CACNA2D2: variants seen among roughly 807,000 people sequenced by gnomAD.
CACNA2D2 encodes calcium voltage-gated channel auxiliary subunit alpha2delta 2.
Under a neutral mutation model 166.4 loss-of-function variants are expected in CACNA2D2, and 48 were observed. That is an observed-to-expected ratio of 0.29 (90% CI 0.23 to 0.37). CACNA2D2 has a LOEUF of 0.37. Ranked by LOEUF, CACNA2D2 falls within the 10% of genes least tolerant of loss-of-function variation. The pLI is 1.00. For missense variants in CACNA2D2, 1,122 were observed against 1,433.0 expected (o/e 0.78, Z 3.50); for synonymous variants, 561 against 573.7 (o/e 0.98, Z 0.32).
intron 2 of CACNA2D2, among the ~76,000 whole-genome samples, chr3:50,464,738 T>C (rs1053783844): frequency 5.3e-5 from 8 of 152,180 alleles, no homozygotes; most frequent in African/African-American, 1.9e-4. Flanking sequence ...CCTCTACCAC[T>C]TAGCAACGGA....
At chr3:50,387,489 C>T (rs2106701749) in intron 5 of CACNA2D2, 79 bp downstream of exon 5, 7 of 1,181,800 alleles carry the variant, frequency 5.9e-6, no homozygotes, top group South Asian at 1.2e-5. Context: ...GAATGTGTGG[C>T]GCTGAGTCCT....
At chr3:50,491,012 A>T (rs1698498041) in intron 1 of CACNA2D2, among the ~76,000 whole-genome samples, 1 of 151,978 alleles carries the variant, frequency 6.6e-6, no homozygotes, top group African/African-American at 2.4e-5. Context: ...AGCCCATCCA[A>T]CCTCTCCCCA....
Position 50,364,982 on chromosome 3 carries a change from T to A in CACNA2D2, c.3209-12A>T. 1 of 1,588,700 alleles carries A rather than the reference T, an allele frequency of 6.3e-7. No individual in the cohort carries two copies. The highest frequency in any genetic ancestry group is 8.6e-7 in the Non-Finnish European group (1 of 1,168,124). ...CTCCGGGCCGTCCGCTGGGCATGGG[T>A]GGGGAGTCAAGGAGGCGGACGGCGG... On this transcript the variant is annotated splice_polypyrimidine_tract_variant and intron_variant, in intron 36 of 37. Transcript: ENST00000424201.
intron 2 of CACNA2D2, among the ~76,000 whole-genome samples, chr3:50,434,764 C>T (rs966610413): frequency 6.6e-6 from 1 of 152,248 alleles, no homozygotes; most frequent in African/African-American, 2.4e-5. Flanking sequence ...CTCAAGGTAA[C>T]TGTGAATAGC....
intron 3 of CACNA2D2, among the ~76,000 whole-genome samples, chr3:50,418,085 T>C (rs1015902394): frequency 1.3e-5 from 2 of 152,150 alleles, no homozygotes; most frequent in Non-Finnish European, 2.9e-5. Flanking sequence ...AGGACTGTAC[T>C]TGTGCTCCTA....
intron 2 of CACNA2D2, among the ~76,000 whole-genome samples, chr3:50,460,837 G>A (rs531703528): frequency 1.3e-5 from 2 of 150,694 alleles, no homozygotes; most frequent in Admixed American, 1.3e-4. Context: ...CTGGGTGACA[G>A]AGCAAGACTC....
At chr3:50,488,377 T>C (rs1698378577) in intron 1 of CACNA2D2, among the ~76,000 whole-genome samples, 1 of 152,120 alleles carries the variant, frequency 6.6e-6, no homozygotes, top group Non-Finnish European at 1.5e-5. Context: ...ATTTCATTCA[T>C]TCATTCATTC....
In CACNA2D2 at chr3:50,365,220, G is replaced by GGGCCC; in HGVS notation, c.3099-37_3099-36insGGGCC. The GGGCCC allele has an allele frequency of 6.3e-7, 1 of 1,575,448 alleles. No individual in the cohort carries two copies. The highest frequency in any genetic ancestry group is 8.7e-7 in the Non-Finnish European group (1 of 1,150,790). On this transcript the variant is annotated intron_variant, in intron 35 of 37. Transcript: ENST00000424201. This position sits in a 1 kb window ranked among gnomAD's most constrained non-coding sequence, Gnocchi z 4.5. The stretch of plus-strand genomic sequence containing the variant: ...CCCGGAAAGGCGGGGCGTTGAGTTT[G>GGGCCC]CCCCGCCCTGACCCACCCCCATCCT...
At chr3:50,400,629 C>T (rs560825155) in intron 3 of CACNA2D2, among the ~76,000 whole-genome samples, 4 of 152,296 alleles carry the variant, frequency 2.6e-5, no homozygotes, top group South Asian at 2.1e-4. Context: ...GAGCAGGGTC[C>T]GTGACTTACG....
At chr3:50,426,518 A>C (rs1205520367) in intron 3 of CACNA2D2, among the ~76,000 whole-genome samples, 1 of 152,208 alleles carries the variant, frequency 6.6e-6, no homozygotes, top group Admixed American at 6.5e-5. Context: ...ACATGCCTGC[A>C]GTCAATCCCT....
intron 2 of CACNA2D2, among the ~76,000 whole-genome samples, chr3:50,450,678 G>T (rs1258668012): frequency 6.6e-6 from 1 of 152,164 alleles, no homozygotes; most frequent in Non-Finnish European, 1.5e-5. Flanking sequence ...CAGAGTGAAA[G>T]AGGCTGTTGG....
At chr3:50,473,648 T>C (rs1052086020) in intron 2 of CACNA2D2, among the ~76,000 whole-genome samples, 1 of 152,204 alleles carries the variant, frequency 6.6e-6, no homozygotes, top group African/African-American at 2.4e-5. Flanking sequence ...ATGGACCGTC[T>C]TCGTGTGCAT....
chr3:50,432,246 C>T (rs1386075389), intron 3 of CACNA2D2, among the ~76,000 whole-genome samples: 2 of 152,134 alleles, frequency 1.3e-5, no homozygotes, highest in Non-Finnish European at 2.9e-5. Context: ...CCTGTGATTC[C>T]CAAGGGGCTG....
chr3:50,428,790 C>T (rs537069990), intron 3 of CACNA2D2, among the ~76,000 whole-genome samples: 1 of 152,200 alleles, frequency 6.6e-6, no homozygotes, highest in South Asian at 2.1e-4. Flanking sequence ...AAGCCCCTGT[C>T]AGAGGAAACC....
Position 50,365,029 on chromosome 3 carries a change from C to T in CACNA2D2, c.3208+46G>A. 8.2e-7 allele frequency: 1 copy of T among 1,222,596 alleles called. No individual in the cohort carries two copies. 75.7% of individuals were successfully genotyped at this position (1,222,596 alleles called of 1,614,324 possible). A position where few individuals can be genotyped will look rare whatever the true frequency, so the allele number is the denominator to read the frequency against. On this transcript the variant is annotated intron_variant, in intron 36 of 37. Coordinates refer to ENST00000424201, the MANE Select transcript of CACNA2D2 (RefSeq NM_006030.4). The surrounding 1 kb of genome is among the most constrained non-coding windows in gnomAD (Gnocchi z 4.5). The stretch of plus-strand genomic sequence containing the variant: ...GCGGCGGCGGCACGGAGGGGGCGCG[C>T]GGGGCAGAGGGGGAGCGGGCGGCGG...
chr3:50,402,111 T>C (rs554184349), intron 3 of CACNA2D2, among the ~76,000 whole-genome samples: 35 of 152,336 alleles, frequency 2.3e-4, no homozygotes, highest in African/African-American at 7.9e-4. Flanking sequence ...GTAACAAGTA[T>C]TCCACTGGCT....
intron 2 of CACNA2D2, among the ~76,000 whole-genome samples, chr3:50,441,632 T>C (rs1361467098): frequency 2.0e-5 from 3 of 152,272 alleles, no homozygotes; most frequent in Non-Finnish European, 2.9e-5. Flanking sequence ...ACACTGGGCA[T>C]GGCCCATTCC....
At chr3:50,495,620 A>T (rs749127379) in intron 1 of CACNA2D2, among the ~76,000 whole-genome samples, 22 of 152,226 alleles carry the variant, frequency 1.4e-4, no homozygotes, top group Non-Finnish European at 2.8e-4. Context: ...ATCAAGCCAA[A>T]GTTTTTACAG....
intron 3 of CACNA2D2, among the ~76,000 whole-genome samples, chr3:50,395,069 G>A (rs1706081168): frequency 6.6e-6 from 1 of 152,148 alleles, no homozygotes; most frequent in Admixed American, 6.5e-5. Flanking sequence ...AGGAAACCTT[G>A]GGGCTCCCAA....
Sources: allele counts gnomAD v4.1 joint callset (sites outside exome capture counted in the v4.1 genomes callset), GRCh38; gene constraint gnomAD v4.1.1; non-coding constraint Gnocchi (gnomAD v3.1); transcripts MANE v1.5; gene names NCBI Gene and HGNC (gene_info 2026-07-23, HGNC 2026-07-21).